GID4: variants seen among roughly 807,000 people sequenced by gnomAD.
GID4 encodes GID complex subunit 4 homolog.
A neutral mutation model predicts 32.4 loss-of-function variants in GID4; 7 were observed. The ratio of observed to expected loss-of-function variants is 0.22; its 90% CI spans 0.12 to 0.41. The LOEUF is 0.41. Among genes scored for constraint, GID4 ranks in the 10% least tolerant of loss-of-function variants. The pLI is 1.00. For synonymous variants in GID4, 166 were observed against 170.0 expected (o/e 0.98, Z 0.18); for missense variants, 309 against 400.0 (o/e 0.77, Z 1.94).
chr17:18,041,286 C>G (rs2044801166), intron 1 of GID4, among the ~76,000 whole-genome samples: 1 of 152,046 alleles, frequency 6.6e-6, no homozygotes, highest in Admixed American at 6.6e-5. Flanking sequence ...TAAAACAAAT[C>G]TTAGTTTCAC....
intron 2 of GID4, among the ~76,000 whole-genome samples, chr17:18,049,035 A>G (rs1001603839): frequency 2.0e-5 from 3 of 152,030 alleles, no homozygotes; most frequent in East Asian, 1.9e-4. Flanking sequence ...ATGGAAAAGT[A>G]TCTACTAAAA....
intron 2 of GID4, among the ~76,000 whole-genome samples, chr17:18,046,478 T>TG (rs2044853479): frequency 6.6e-6 from 1 of 152,090 alleles, no homozygotes; most frequent in Non-Finnish European, 1.5e-5. Flanking sequence ...CATGGTGTTG[T>TG]GTGCCTGTAG....
chr17:18,062,377 T>C (rs1010883648), intron 5 of GID4, among the ~76,000 whole-genome samples: 30 of 152,220 alleles, frequency 2.0e-4, no homozygotes, highest in Admixed American at 6.5e-5. Context: ...CTGCATTCCT[T>C]AGAGTTGGTC....
chr17:18,057,168 A>G (rs2145568073), intron 3 of GID4: 4 of 1,079,400 alleles, frequency 3.7e-6, no homozygotes, highest in Non-Finnish European at 5.2e-6. Context: ...GTGGTGGCTC[A>G]TGCCTGTAAT....
rs895420718 is a variant in GID4 at position 18,039,581 on chromosome 17, T to G, written c.117T>G (p.Gly39=). The change falls in exon 1 of 6, where the codon GGT becomes GGG. Residue 39 remains glycine (G), a synonymous_variant. Transcript: ENST00000268719. The surrounding 1 kb of genome is among the most constrained non-coding windows in gnomAD (Gnocchi z 5.3). ...GCTTGCTCCGCAGGCAGCGGGCGGGTGGTCGCCCCTCCCGCCCCCACCCCG... is the reference window on the plus strand; with the variant it reads ...GCTTGCTCCGCAGGCAGCGGGCGGGGGGTCGCCCCTCCCGCCCCCACCCCG... The part of the protein sequence containing the change: ...PERLLRRQRA[G]GRPSRPHPAR... 3 of 1,300,224 alleles carry G rather than the reference T, an allele frequency of 2.3e-6. No individual in the cohort carries two copies. The highest frequency in any genetic ancestry group is 2.9e-6 in the Non-Finnish European group (3 of 1,028,524). 80.5% of individuals were successfully genotyped at this position (1,300,224 alleles called of 1,614,324 possible).
chr17:18,048,252 G>C lies in GID4; in HGVS notation c.498+3046G>C, dbSNP rs144527236. ...TCTCAGTCACCCAGGCTGGAGTGCAGTGGTGTGATCTCACCTTACCACAAC... is the reference window on the plus strand; with the variant it reads ...TCTCAGTCACCCAGGCTGGAGTGCACTGGTGTGATCTCACCTTACCACAAC... On this transcript the variant is annotated intron_variant, in intron 2 of 5. Transcript: ENST00000268719. 5.3e-5 allele frequency among the ~76,000 whole-genome samples: 8 copies of C among 151,948 alleles called. No individual in the cohort carries two copies. The East Asian group carries it at 1.5e-3, about 29-fold the overall frequency.
intron 1 of GID4, among the ~76,000 whole-genome samples, chr17:18,042,514 C>T (rs2044812687): frequency 6.6e-6 from 1 of 152,188 alleles, no homozygotes; most frequent in South Asian, 2.1e-4. Flanking sequence ...TTCATTGTAA[C>T]AATTGTCCAT....
At position 18,066,480 on chromosome 17, in the gene GID4, G is replaced by GTGTGTGTGTGTGTA. The variant is rs1393558401; in HGVS notation, c.*1242_*1243insGTGTGTGTATGTGT. 1 of 152,252 alleles carries GTGTGTGTGTGTGTA rather than the reference G, an allele frequency of 6.6e-6. No individual in the cohort carries two copies. Among genetic ancestry groups the GTGTGTGTGTGTGTA allele is most frequent in the African/African-American group, 2.4e-5 (1 of 41,268 alleles). 9.4% of individuals were successfully genotyped at this position (152,252 alleles called of 1,614,324 possible). On this transcript the variant is annotated 3_prime_UTR_variant, in exon 6 of 6. Transcript: ENST00000268719. ...TGTGTGTGTGTGTGTGTGTGTGTGT[G>GTGTGTGTGTGTGTA]TGTGTATGATGTTTTGTTTTTTTAA...
intron 4 of GID4, 138 bp downstream of exon 4, chr17:18,059,107 G>A (rs1465449734): frequency 1.6e-6 from 1 of 607,658 alleles, no homozygotes; most frequent in African/African-American, 1.9e-5. Context: ...TTCATGGCAG[G>A]GTCTTTGCAC....
intron 1 of GID4, 146 bp from the exon 2 acceptor site, chr17:18,045,001 A>G: frequency 1.8e-6 from 1 of 560,454 alleles, no homozygotes; most frequent in Non-Finnish European, 3.3e-6. Flanking sequence ...AGAACTTATC[A>G]AGATTCCAGA....
chr17:18,056,509 T>C (rs2044968504), intron 3 of GID4, among the ~76,000 whole-genome samples: 3 of 152,352 alleles, frequency 2.0e-5, no homozygotes, highest in Admixed American at 2.0e-4. Context: ...TCCTCTCCTG[T>C]ACAGTCCCAG....
intron 1 of GID4, among the ~76,000 whole-genome samples, chr17:18,042,572 AT>A (rs2044813199): frequency 6.6e-6 from 1 of 152,244 alleles, no homozygotes; most frequent in South Asian, 2.1e-4. Context: ...GTTGATGGAC[AT>A]TTGGGTTGTT....
At chr17:18,046,671 C>T (rs1052533473) in intron 2 of GID4, among the ~76,000 whole-genome samples, 1 of 151,744 alleles carries the variant, frequency 6.6e-6, no homozygotes, top group Non-Finnish European at 1.5e-5. Flanking sequence ...CCTGTAATCC[C>T]AGCACTTTGG....
At chr17:18,049,002 G>A (rs183945748) in intron 2 of GID4, among the ~76,000 whole-genome samples, 2 of 151,844 alleles carry the variant, frequency 1.3e-5, no homozygotes, top group East Asian at 1.9e-4. Flanking sequence ...AGTCATAGTA[G>A]TTGCCTTCCT....
Position 18,054,197 on chromosome 17 carries a change from A to G in GID4, c.569A>G (p.Lys190Arg). The change falls in exon 3 of 6, where the codon AAG becomes AGG. Residue 190 changes from lysine to arginine, a missense_variant. Physicochemically the swap from Lys to Arg is conservative, Grantham distance 26 (BLOSUM62 2). Transcript: ENST00000268719. Reference sequence around the variant, plus strand: ...AAAAAACACCCTTTCTTAACTCGCAAGTGGGATGCAGATGAAGATGTTGAT... The same window carrying G: ...AAAAAACACCCTTTCTTAACTCGCAGGTGGGATGCAGATGAAGATGTTGAT... ...ISKKHPFLTR[K>R]WDADEDVDRK... 1 of 1,612,742 alleles carries G rather than the reference A, an allele frequency of 6.2e-7. No individual in the cohort carries two copies. Among genetic ancestry groups the G allele is most frequent in the Non-Finnish European group, 8.5e-7 (1 of 1,178,904 alleles).
At chr17:18,046,320 C>A (rs1356875327) in intron 2 of GID4, among the ~76,000 whole-genome samples, 1 of 152,154 alleles carries the variant, frequency 6.6e-6, no homozygotes, top group Non-Finnish European at 1.5e-5. Context: ...AATTCCTGCT[C>A]CAGGCTGGGT....
Position 18,039,518 on chromosome 17 carries a change from C to A in GID4, c.54C>A (p.Pro18=). Residue 18 remains proline (P), a synonymous_variant, in exon 1 of 6, where the codon CCC becomes CCA. Coordinates refer to ENST00000268719, the MANE Select transcript of GID4 (RefSeq NM_024052.5). The surrounding 1 kb of genome is among the most constrained non-coding windows in gnomAD (Gnocchi z 5.3). ...GRGTQLRTGR[P]CSQVPGSRWR... ...GGACCCAGCTCAGGACTGGGAGGCC[C>A]TGCTCGCAGGTCCCTGGGTCCCGGT... The A allele has an allele frequency of 7.6e-7, 1 of 1,313,664 alleles. No individual in the cohort carries two copies. The highest frequency in any genetic ancestry group is 9.7e-7 in the Non-Finnish European group (1 of 1,035,850). The allele number at this position is 1,313,664 out of a possible 1,614,324, so 81.4% of individuals were successfully genotyped here. A position where few individuals can be genotyped will look rare whatever the true frequency, so the allele number is the denominator to read the frequency against.
chr17:18,055,448 G>A (rs368015576), intron 3 of GID4, among the ~76,000 whole-genome samples: 1 of 152,092 alleles, frequency 6.6e-6, no homozygotes, highest in East Asian at 1.9e-4. Context: ...CTAGAGATCA[G>A]TTGCTTTGCT....
At chr17:18,054,937 C>T (rs941973945) in intron 3 of GID4, among the ~76,000 whole-genome samples, 3 of 151,940 alleles carry the variant, frequency 2.0e-5, no homozygotes, top group African/African-American at 4.8e-5. Flanking sequence ...TTTGGGAGGC[C>T]GAGGCGGGCG....
Sources: gnomAD v4.1 joint callset for allele counts (sites outside exome capture counted in the v4.1 genomes callset) on GRCh38, gnomAD v4.1.1 for gene constraint, Gnocchi (gnomAD v3.1) non-coding constraint, MANE v1.5 for transcripts, NCBI Gene and HGNC (gene_info 2026-07-23, HGNC 2026-07-21) for gene names.